ADGRV1: variants seen among roughly 807,000 people sequenced by gnomAD.
ADGRV1 encodes the protein G-protein coupled receptor 98.
Under a neutral mutation model 596.2 loss-of-function variants are expected in ADGRV1, and 359 were observed. The observed-to-expected ratio is 0.60, with a 90% CI of 0.55 to 0.66. The LOEUF is 0.66. Among genes scored for constraint, ADGRV1 ranks in the 30% least tolerant of loss-of-function variants. ADGRV1 has a pLI of 0.00. For missense variants in ADGRV1, 7,274 were observed against 7,575.6 expected, an observed-to-expected ratio of 0.96 and a Z score of 1.48; for synonymous variants, 2,681 against 2,679.2, an observed-to-expected ratio of 1.00 and a Z score of -0.02.
chr5:90,596,906 C>T (rs1276525824), intron 1 of ADGRV1, among the ~76,000 whole-genome samples: 2 of 152,084 alleles, frequency 1.3e-5, no homozygotes, highest in Non-Finnish European at 2.9e-5. Context: ...TGAGAACAGA[C>T]TAAACACACT....
intron 26 of ADGRV1, among the ~76,000 whole-genome samples, 159 bp downstream of exon 26, chr5:90,679,788 T>G (rs988804614): frequency 6.6e-6 from 1 of 152,194 alleles, no homozygotes; most frequent in Non-Finnish European, 1.5e-5. Context: ...TATGATTTCC[T>G]TCATGTTGTA....
chr5:90,591,487 A>G (rs889563975), intron 1 of ADGRV1, among the ~76,000 whole-genome samples: 5 of 152,208 alleles, frequency 3.3e-5, no homozygotes, highest in African/African-American at 1.2e-4. Context: ...AATAGTTACT[A>G]TAATAATGAC....
chr5:90,578,157 G>A (rs1217217921), intron 1 of ADGRV1, among the ~76,000 whole-genome samples: 2 of 152,186 alleles, frequency 1.3e-5, no homozygotes, highest in African/African-American at 2.4e-5. Flanking sequence ...ATGTTGAATA[G>A]AAGTGGTGAG....
chr5:90,970,806 C>T (rs556981138), intron 84 of ADGRV1, among the ~76,000 whole-genome samples: 1 of 152,264 alleles, frequency 6.6e-6, no homozygotes, highest in East Asian at 1.9e-4. Context: ...ACCTCTCCCC[C>T]TCCAAAGGAG....
At chr5:90,758,869 G>A (rs1240170751) in intron 57 of ADGRV1, among the ~76,000 whole-genome samples, 1 of 152,058 alleles carries the variant, frequency 6.6e-6, no homozygotes, top group African/African-American at 2.4e-5. Context: ...GCAAATTTGG[G>A]TTTTCTTTCT....
At chr5:91,159,462 A>G (rs1219415638) in intron 89 of ADGRV1, among the ~76,000 whole-genome samples, 1 of 152,228 alleles carries the variant, frequency 6.6e-6, no homozygotes, top group Non-Finnish European at 1.5e-5. Flanking sequence ...ACAGTCATGG[A>G]CTTCTTTTTC....
intron 50 of ADGRV1, among the ~76,000 whole-genome samples, chr5:90,743,958 T>G (rs982211149): frequency 2.0e-5 from 3 of 149,798 alleles, no homozygotes; most frequent in African/African-American, 7.4e-5. Flanking sequence ...GGCTATTTTT[T>G]ACTTCTTTTT....
intron 83 of ADGRV1, among the ~76,000 whole-genome samples, chr5:90,940,521 G>T (rs1005572418): frequency 3.9e-5 from 6 of 152,188 alleles, no homozygotes; most frequent in African/African-American, 1.4e-4. Flanking sequence ...AAACATATAT[G>T]CACTGGGTAT....
chr5:91,017,563 T>G (rs1181964411), intron 85 of ADGRV1, among the ~76,000 whole-genome samples: 3 of 151,946 alleles, frequency 2.0e-5, no homozygotes, highest in Non-Finnish European at 4.4e-5. Flanking sequence ...TTACATGCTC[T>G]TTGGAACTCT....
rs192394455 is a variant in ADGRV1, at chr5:91,145,136, G to T, written c.18433-4894G>T. On this transcript the variant is annotated intron_variant, in intron 87 of 89. Coordinates refer to ENST00000405460, the MANE Select transcript of ADGRV1 (RefSeq NM_032119.4). ...TCTTTTCTTTCCATTTTAAGCATTT[G>T]TGTTTCCTGCAGCACATCTAAAAGA... Among the ~76,000 whole-genome samples, 17 of 152,200 alleles carry T rather than the reference G, an allele frequency of 1.1e-4. No individual in the cohort carries two copies. In the East Asian group the frequency reaches 3.1e-3, roughly 28 times the overall value.
At chr5:90,845,324 A>G (rs960736157) in intron 78 of ADGRV1, among the ~76,000 whole-genome samples, 2 of 152,214 alleles carry the variant, frequency 1.3e-5, no homozygotes, top group African/African-American at 4.8e-5. Flanking sequence ...GTTGCTAGAA[A>G]GTGCTGAAAA....
At chr5:91,075,556 A>G (rs1298262843) in intron 86 of ADGRV1, among the ~76,000 whole-genome samples, 3 of 152,186 alleles carry the variant, frequency 2.0e-5, no homozygotes, top group South Asian at 2.1e-4. Flanking sequence ...TTGCAATAAA[A>G]TGTGAATAGA....
rs1298641664 is a variant in ADGRV1, at chr5:90,756,628, A to G, written c.11755A>G (p.Arg3919Gly). ...AGGAATTTTTATGTTTCATGTTACT[A>G]GAGTGAGATGAACTTTCATTTGTTT... The part of the protein sequence containing the change: ...PRGIFMFHVT[R>G]GAGEVITAYE... The change falls in exon 56 of 90, where the codon AGA becomes GGA. Residue 3919 changes from arginine (R) to glycine (G), a missense_variant and splice_region_variant. By Grantham distance (125) the Arg-to-Gly change is moderately radical. Transcript: ENST00000405460. The G allele has an allele frequency of 1.2e-6, 2 of 1,611,378 alleles. No homozygotes were observed. The highest frequency in any genetic ancestry group is 1.7e-6 in the Non-Finnish European group (2 of 1,177,660).
intron 86 of ADGRV1, among the ~76,000 whole-genome samples, chr5:91,080,534 A>G (rs1361194762): frequency 6.9e-6 from 1 of 145,010 alleles, no homozygotes; most frequent in East Asian, 2.0e-4. Flanking sequence ...AACTTAGAGA[A>G]CTCTAATTTC....
At chr5:90,790,802 C>T in intron 69 of ADGRV1, 71 bp from the exon 70 acceptor site, 1 of 988,684 alleles carries the variant, frequency 1.0e-6, no homozygotes, top group Non-Finnish European at 1.5e-6. Context: ...TAGAGAAAAA[C>T]ATAATTTAAG....
At chr5:90,843,758 G>A (rs1030682985) in intron 78 of ADGRV1, among the ~76,000 whole-genome samples, 1 of 152,094 alleles carries the variant, frequency 6.6e-6, no homozygotes, top group African/African-American at 2.4e-5. Context: ...GCAAATACAC[G>A]TGTGATGAGA....
intron 15 of ADGRV1, among the ~76,000 whole-genome samples, chr5:90,645,164 A>G (rs1164322552): frequency 6.6e-6 from 1 of 152,218 alleles, no homozygotes; most frequent in Non-Finnish European, 1.5e-5. Flanking sequence ...TTTGAAGGCA[A>G]GGTCATCTAT....
intron 64 of ADGRV1, among the ~76,000 whole-genome samples, chr5:90,780,853 A>G (rs2150090177): frequency 6.6e-6 from 1 of 152,234 alleles, no homozygotes; most frequent in East Asian, 1.9e-4. Flanking sequence ...GGCATGTGCC[A>G]TCATGTCTGG....
intron 87 of ADGRV1, among the ~76,000 whole-genome samples, chr5:91,141,083 C>T (rs1795057810): frequency 6.6e-6 from 1 of 151,980 alleles, no homozygotes; most frequent in Non-Finnish European, 1.5e-5. Flanking sequence ...CAGATAGAAA[C>T]CTTGGTGTAT....
Sources: gnomAD v4.1 joint callset for allele counts (sites outside exome capture counted in the v4.1 genomes callset) on GRCh38, gnomAD v4.1.1 for gene constraint, MANE v1.5 for transcripts, NCBI Gene and HGNC (gene_info 2026-07-23, HGNC 2026-07-21) for gene names.